The following LAPTM4B variants were observed in gnomAD, a reference collection of about 807,000 sequenced individuals.
LAPTM4B encodes lysosomal protein transmembrane 4 beta.
LAPTM4B carries 26 observed loss-of-function variants against 28.5 expected under a neutral mutation model. The observed-to-expected ratio is 0.91, with a 90% CI of 0.67 to 1.27. The LOEUF (loss-of-function observed/expected upper bound fraction) is 1.27. LAPTM4B is among the 50% of genes most tolerant of loss of function. LAPTM4B has a pLI of 0.00. For synonymous variants in LAPTM4B, 109 were observed against 106.4 expected (o/e 1.02, Z -0.15); for missense variants, 288 against 285.8 (o/e 1.01, Z -0.06).
chr8:97,812,263 A>C (rs544663162), intron 2 of LAPTM4B, among the ~76,000 whole-genome samples: 2 of 127,486 alleles, frequency 1.6e-5, no homozygotes, highest in South Asian at 5.2e-4. Flanking sequence ...TCTGTCACCC[A>C]GGCTGGAGTA....
At chr8:97,842,698 T>C (rs76705943) in intron 6 of LAPTM4B, among the ~76,000 whole-genome samples, 19,128 of 151,808 alleles carry the variant, frequency 0.13, 1,396 homozygotes, top group East Asian at 0.19. Flanking sequence ...TTTGTATTTT[T>C]AGTAGAGACG....
At chr8:97,785,695 A>G (rs1459957272) in intron 1 of LAPTM4B, among the ~76,000 whole-genome samples, 1 of 152,188 alleles carries the variant, frequency 6.6e-6, no homozygotes, top group Non-Finnish European at 1.5e-5. Flanking sequence ...ATTGTCCTTG[A>G]TTTACAGAAA....
At chr8:97,845,462 A>T (rs1311523222) in intron 6 of LAPTM4B, among the ~76,000 whole-genome samples, 1 of 151,988 alleles carries the variant, frequency 6.6e-6, no homozygotes, top group Non-Finnish European at 1.5e-5. Context: ...ATTCTATAAG[A>T]CACTTCATCA....
intron 6 of LAPTM4B, among the ~76,000 whole-genome samples, chr8:97,845,868 ACTCCCCTCCCCTCCCCTCCCCTCCC>A (rs1214536719): frequency 4.6e-4 from 2 of 4,370 alleles, no homozygotes; most frequent in Admixed American, 2.3e-3. Flanking sequence ...CCCCCCTTCC[ACTCCCCTCCCCTCCCCTCCCCTCCC>A]CTCCCCTCCC....
chr8:97,793,879 T>C (rs1431683041), intron 1 of LAPTM4B, among the ~76,000 whole-genome samples: 1 of 152,186 alleles, frequency 6.6e-6, no homozygotes, highest in Non-Finnish European at 1.5e-5. Flanking sequence ...CCATCATAGC[T>C]CACTGCAGCC....
chr8:97,812,220 G>C (rs111832035), intron 2 of LAPTM4B, among the ~76,000 whole-genome samples: 1 of 52,210 alleles, frequency 1.9e-5, no homozygotes, highest in Non-Finnish European at 5.5e-5. Context: ...TTTTTTTGTT[G>C]TTTTTTGTTT....
chr8:97,848,938 C>T lies in LAPTM4B; in HGVS notation c.604-2459C>T, dbSNP rs150510559. On this transcript the variant is annotated intron_variant, in intron 6 of 6. Transcript: ENST00000521545. ...GTTTTAGAGAATACTTTTTTCTTCCCGCAGCTCAAGCTGACACTTTTGGAA... is the reference window on the plus strand; with the variant it reads ...GTTTTAGAGAATACTTTTTTCTTCCTGCAGCTCAAGCTGACACTTTTGGAA... 5.0e-3 allele frequency among the ~76,000 whole-genome samples: 753 copies of T among 149,704 alleles called. 9 individuals carry two copies. Among genetic ancestry groups the T allele is most frequent in the African/African-American group, 0.018 (715 of 40,576 alleles).
At chr8:97,828,834 G>A (rs1359875303) in intron 6 of LAPTM4B, among the ~76,000 whole-genome samples, 1 of 152,182 alleles carries the variant, frequency 6.6e-6, no homozygotes, top group East Asian at 1.9e-4. Flanking sequence ...TCCGATTGCG[G>A]CAGTGGAAAC....
chr8:97,834,159 T>G (rs1489065714), intron 6 of LAPTM4B, among the ~76,000 whole-genome samples: 2 of 60,008 alleles, frequency 3.3e-5, no homozygotes, highest in Admixed American at 1.5e-4. Context: ...AAAAAAAAAA[T>G]CCAGGTGGCA....
At chr8:97,850,536 T>C (rs1307495313) in intron 6 of LAPTM4B, among the ~76,000 whole-genome samples, 1 of 148,370 alleles carries the variant, frequency 6.7e-6, no homozygotes, top group Non-Finnish European at 1.5e-5. Flanking sequence ...TTTAGTGTGG[T>C]TCTAGTAGGA....
At chr8:97,849,871 A>C (rs1817494900) in intron 6 of LAPTM4B, among the ~76,000 whole-genome samples, 1 of 141,602 alleles carries the variant, frequency 7.1e-6, no homozygotes, top group Admixed American at 7.1e-5. Flanking sequence ...TCTTGCTGGC[A>C]GTGCTCCCCA....
At chr8:97,778,351 T>G (rs892084934) in intron 1 of LAPTM4B, among the ~76,000 whole-genome samples, 4 of 151,928 alleles carry the variant, frequency 2.6e-5, no homozygotes, top group Non-Finnish European at 4.4e-5. Context: ...CTCAGACCTT[T>G]GAATATAATT....
intron 6 of LAPTM4B, among the ~76,000 whole-genome samples, chr8:97,836,945 A>AT (rs1469235561): frequency 1.6e-3 from 244 of 151,644 alleles, no homozygotes; most frequent in African/African-American, 4.4e-3. Flanking sequence ...AGAGAAAAAA[A>AT]AATATATATA....
chr8:97,847,687 C>T (rs1271402765), intron 6 of LAPTM4B, among the ~76,000 whole-genome samples: 1 of 152,180 alleles, frequency 6.6e-6, no homozygotes, highest in Non-Finnish European at 1.5e-5. Context: ...GCAATGCTTC[C>T]TTCACCAACC....
chr8:97,776,403 G>A (rs1378327662), intron 1 of LAPTM4B, among the ~76,000 whole-genome samples: 1 of 152,210 alleles, frequency 6.6e-6, no homozygotes, highest in African/African-American at 2.4e-5. Context: ...GCGCAGCCCC[G>A]CGGCCTCGCG....
At position 97,776,057 on chromosome 8, in the gene LAPTM4B, C is replaced by T. The variant is rs1294787763; in HGVS notation, c.48C>T (p.Cys16=). 3.1e-6 allele frequency: 5 copies of T among 1,588,582 alleles called. No individual in the cohort carries two copies. The highest frequency in any genetic ancestry group is 4.3e-6 in the Non-Finnish European group (5 of 1,171,288). ...CGCGGTTCTACTCCAACAGCTGCTG[C>T]TTGTGCTGCCATGTCCGCACCGGCA... is the stretch of plus-strand genomic sequence containing the variant. ...PWTRFYSNSC[C]LCCHVRTGTI... is the part of the protein sequence containing the mutation. Residue 16 remains cysteine, a synonymous_variant, in exon 1 of 7, where the codon TGC becomes TGT. Coordinates refer to ENST00000521545, the MANE Select transcript of LAPTM4B (RefSeq NM_018407.6).
chr8:97,844,990 C>T (rs1164860623), intron 6 of LAPTM4B, among the ~76,000 whole-genome samples: 30 of 152,154 alleles, frequency 2.0e-4, no homozygotes. Flanking sequence ...TCCCGTCACT[C>T]CCTCCCCCAT....
intron 2 of LAPTM4B, among the ~76,000 whole-genome samples, chr8:97,814,877 T>C (rs1011926086): frequency 6.6e-6 from 1 of 152,168 alleles, no homozygotes; most frequent in Non-Finnish European, 1.5e-5. Context: ...GTATTTTTAG[T>C]ACACATGGGG....
rs114999763 is a variant in LAPTM4B at position 97,793,213 on chromosome 8, A to G, written c.100-12140A>G. 9.8e-3 allele frequency among the ~76,000 whole-genome samples: 1,491 copies of G among 152,270 alleles called. 20 individuals are homozygous for G. Among genetic ancestry groups the G allele is most frequent in the African/African-American group, 0.034 (1,403 of 41,544 alleles). On this transcript the variant is annotated intron_variant, in intron 1 of 6. Coordinates refer to ENST00000521545, the MANE Select transcript of LAPTM4B (RefSeq NM_018407.6). ...CATATATTTGTGGCACAATAGATTAATTTTTGAATAACTGAATGAATGAGT... is the reference window on the plus strand; with the variant it reads ...CATATATTTGTGGCACAATAGATTAGTTTTTGAATAACTGAATGAATGAGT...
Sources: gnomAD v4.1 joint callset for allele counts (sites outside exome capture counted in the v4.1 genomes callset) on GRCh38, gnomAD v4.1.1 for gene constraint, MANE v1.5 for transcripts, NCBI Gene and HGNC (gene_info 2026-07-23, HGNC 2026-07-21) for gene names.